Variants in UBASH3B observed in about 807,000 individuals in gnomAD.
The protein encoded by UBASH3B is ubiquitin associated and SH3 domain containing B.
A neutral mutation model predicts 83.4 loss-of-function variants in UBASH3B; 37 were observed. The ratio of observed to expected loss-of-function variants is 0.44; its 90% CI spans 0.34 to 0.58. The LOEUF (loss-of-function observed/expected upper bound fraction) is 0.58, where lower values mean the gene tolerates loss of function less well. UBASH3B is among the 20% of genes least tolerant of loss of function. The pLI, the probability that UBASH3B is intolerant of heterozygous loss-of-function variation, is 0.01. For synonymous variants in UBASH3B, 304 were observed against 318.3 expected (o/e 0.96, Z 0.48); for missense variants, 657 against 827.2 (o/e 0.79, Z 2.52).
chr11:122,809,093 G>C (rs546209100), intron 13 of UBASH3B, among the ~76,000 whole-genome samples: 1 of 136,326 alleles, frequency 7.3e-6, no homozygotes, highest in Non-Finnish European at 1.6e-5. Context: ...TTTTTTTTTT[G>C]AGACAGAGCC....
At chr11:122,751,364 G>C (rs989538695) in intron 1 of UBASH3B, among the ~76,000 whole-genome samples, 2 of 152,170 alleles carry the variant, frequency 1.3e-5, no homozygotes, top group African/African-American at 4.8e-5. Context: ...AAGAAGCAGT[G>C]AGGTGTGTCA....
intron 1 of UBASH3B, among the ~76,000 whole-genome samples, chr11:122,735,686 A>G (rs1860920043): frequency 6.6e-6 from 1 of 152,238 alleles, no homozygotes; most frequent in Non-Finnish European, 1.5e-5. Context: ...CTGGACATAG[A>G]AAAGTATGTA....
intron 5 of UBASH3B, among the ~76,000 whole-genome samples, chr11:122,785,462 C>T (rs1451373993): frequency 2.6e-5 from 4 of 152,118 alleles, no homozygotes; most frequent in East Asian, 1.9e-4. Context: ...GGCAAGGCAC[C>T]GTGATGCTTA....
chr11:122,715,440 GCTAC>G (rs762722747), intron 1 of UBASH3B, among the ~76,000 whole-genome samples: 2 of 152,214 alleles, frequency 1.3e-5, no homozygotes, highest in Non-Finnish European at 2.9e-5. Flanking sequence ...TGGTGCATAT[GCTAC>G]GGCAGAGACA....
chr11:122,794,755 G>A lies in UBASH3B; in HGVS notation c.1034G>A (p.Gly345Glu). The change falls in exon 7 of 14, where the codon GGA becomes GAA. Residue 345 changes from glycine to glutamate, a missense_variant. Coordinates refer to ENST00000284273, the MANE Select transcript of UBASH3B (RefSeq NM_032873.5). ...SSSNSLTFGD[G>E]VLERRPYEDQ... The stretch of plus-strand genomic sequence containing the variant: ...TCCAACTCTCTCACGTTTGGGGATG[G>A]AGTATTGGAGAGGCGGCCTTATGAG... 6.2e-7 allele frequency: 1 copy of A among 1,614,098 alleles called. No individual in the cohort carries two copies. Among genetic ancestry groups the A allele is most frequent in the Non-Finnish European group, 8.5e-7 (1 of 1,180,020 alleles).
At chr11:122,708,130 C>T (rs1017994844) in intron 1 of UBASH3B, among the ~76,000 whole-genome samples, 2 of 152,188 alleles carry the variant, frequency 1.3e-5, no homozygotes, top group African/African-American at 4.8e-5. Flanking sequence ...AAGCCACTTA[C>T]TCTTTGGAGA....
chr11:122,745,347 T>C (rs1230332196), intron 1 of UBASH3B, among the ~76,000 whole-genome samples: 2 of 152,206 alleles, frequency 1.3e-5, no homozygotes, highest in African/African-American at 2.4e-5. Flanking sequence ...CAGGGGTCAG[T>C]GCATTCATTC....
chr11:122,665,160 C>T (rs922818463), intron 1 of UBASH3B, among the ~76,000 whole-genome samples: 1 of 152,134 alleles, frequency 6.6e-6, no homozygotes, highest in Admixed American at 6.5e-5. Context: ...TTTTTGAGGC[C>T]TGCTGGGATT....
chr11:122,758,945 G>C lies in UBASH3B; in HGVS notation c.162-17274G>C, dbSNP rs545397088. ...CTATTTCACTCTTCCTGAAAAGCTA[G>C]GTGTTTTCACTTTTTATGACTCAGC... On this transcript the variant is annotated intron_variant, in intron 1 of 13. Coordinates refer to ENST00000284273, the MANE Select transcript of UBASH3B (RefSeq NM_032873.5). This position sits in a 1 kb window ranked among gnomAD's most constrained non-coding sequence, Gnocchi z 4.2. Among the ~76,000 whole-genome samples, 1 of 152,102 alleles carries C rather than the reference G, an allele frequency of 6.6e-6. No homozygotes were observed. Among genetic ancestry groups the C allele is most frequent in the African/African-American group, 2.4e-5 (1 of 41,406 alleles).
chr11:122,731,163 A>G (rs1860837902), intron 1 of UBASH3B, among the ~76,000 whole-genome samples: 1 of 152,170 alleles, frequency 6.6e-6, no homozygotes, highest in South Asian at 2.1e-4. Context: ...CCACCCACAA[A>G]TTTAACACCT....
intron 1 of UBASH3B, among the ~76,000 whole-genome samples, chr11:122,772,913 A>C (rs1860672374): frequency 6.6e-6 from 1 of 152,244 alleles, no homozygotes; most frequent in African/African-American, 2.4e-5. Flanking sequence ...TAGGATCAGA[A>C]GTCAAATTTA....
At chr11:122,719,445 C>T (rs10750223) in intron 1 of UBASH3B, among the ~76,000 whole-genome samples, 100,522 of 152,064 alleles carry the variant, frequency 0.66, 33,862 homozygotes, top group East Asian at 0.92. Context: ...CCCTTTCTTT[C>T]ATTACTCTCT....
At chr11:122,734,736 A>G (rs1340476785) in intron 1 of UBASH3B, among the ~76,000 whole-genome samples, 2 of 151,646 alleles carry the variant, frequency 1.3e-5, no homozygotes, top group Non-Finnish European at 2.9e-5. Context: ...TTCCCCCCTC[A>G]TCAGATGTGC....
intron 4 of UBASH3B, 71 bp from the exon 5 acceptor site, chr11:122,782,982 C>A: frequency 6.5e-7 from 1 of 1,527,842 alleles, no homozygotes; most frequent in Non-Finnish European, 8.8e-7. Context: ...CTTTCTATGC[C>A]TTTCCTTAAG....
intron 1 of UBASH3B, among the ~76,000 whole-genome samples, chr11:122,673,056 G>T (rs1329475557): frequency 6.6e-6 from 1 of 152,240 alleles, no homozygotes; most frequent in East Asian, 1.9e-4. Flanking sequence ...CTCAGCATTC[G>T]CTGGTTGGGC....
At chr11:122,710,847 G>T (rs774844837) in intron 1 of UBASH3B, among the ~76,000 whole-genome samples, 100 of 151,886 alleles carry the variant, frequency 6.6e-4, no homozygotes, top group Non-Finnish European at 9.9e-4. Flanking sequence ...GGTAGGCTTT[G>T]TCCTGGGGGC....
At chr11:122,720,800 C>A (rs894426749) in intron 1 of UBASH3B, among the ~76,000 whole-genome samples, 8 of 152,286 alleles carry the variant, frequency 5.3e-5, no homozygotes, top group Admixed American at 3.9e-4. Context: ...CCCTTCCCAC[C>A]CTTCCCTGCC....
Position 122,758,634 on chromosome 11 carries a change from G to A in UBASH3B, c.162-17585G>A, listed in dbSNP as rs950426259. 2.6e-5 allele frequency among the ~76,000 whole-genome samples: 4 copies of A among 152,178 alleles called. No individual in the cohort carries two copies. The highest frequency in any genetic ancestry group is 1.5e-5 in the Non-Finnish European group (1 of 68,038). ...ATCTCCTTTCGTTTACATATGTGGG[G>A]ACTGAGATTAGATGGGTTAGGTCTG... On this transcript the variant is annotated intron_variant, in intron 1 of 13. Coordinates refer to ENST00000284273, the MANE Select transcript of UBASH3B (RefSeq NM_032873.5). This position sits in a 1 kb window ranked among gnomAD's most constrained non-coding sequence, Gnocchi z 4.2.
At chr11:122,796,102 G>GA in intron 7 of UBASH3B, 54 bp from the exon 8 acceptor site, 1 of 1,603,158 alleles carries the variant, frequency 6.2e-7, no homozygotes, top group Non-Finnish European at 8.5e-7. Context: ...CTGGCTCCAA[G>GA]ACATGTCCAC....
Sources: allele counts gnomAD v4.1 joint callset (sites outside exome capture counted in the v4.1 genomes callset), GRCh38; gene constraint gnomAD v4.1.1; non-coding constraint Gnocchi (gnomAD v3.1); transcripts MANE v1.5; gene names NCBI Gene and HGNC (gene_info 2026-07-23, HGNC 2026-07-21).